SOX5: variants seen among roughly 807,000 people sequenced by gnomAD.
SOX5 encodes the protein transcription factor SOX-5.
Under a neutral mutation model 92.0 loss-of-function variants are expected in SOX5, and 9 were observed. That is an observed-to-expected ratio of 0.10 (90% CI 0.06 to 0.17). The LOEUF is 0.17. Ranked by LOEUF, SOX5 falls within the 10% of genes least tolerant of loss-of-function variation. SOX5 has a pLI of 1.00. For missense variants in SOX5, 642 were observed against 944.5 expected (o/e 0.68, Z 4.20); for synonymous variants, 344 against 336.3 (o/e 1.02, Z -0.25).
intron 3 of SOX5, among the ~76,000 whole-genome samples, chr12:24,263,999 A>G (rs1942647983): frequency 2.0e-5 from 3 of 152,202 alleles, no homozygotes. Flanking sequence ...CAGAAATAAT[A>G]GTTGGATTAT....
intron 1 of SOX5, among the ~76,000 whole-genome samples, chr12:23,899,061 T>G (rs2097205419): frequency 6.6e-6 from 1 of 152,144 alleles, no homozygotes; most frequent in African/African-American, 2.4e-5. Flanking sequence ...GATTCTTAAA[T>G]TTTTGTCCAT....
At chr12:24,357,746 C>CA (rs1272527866) in intron 2 of SOX5, among the ~76,000 whole-genome samples, 1 of 148,852 alleles carries the variant, frequency 6.7e-6, no homozygotes, top group East Asian at 2.0e-4. Context: ...TGGAGGGTGA[C>CA]AAGAGAATTG....
intron 3 of SOX5, among the ~76,000 whole-genome samples, chr12:24,266,545 T>C (rs1943042535): frequency 6.6e-6 from 1 of 152,212 alleles, no homozygotes; most frequent in Non-Finnish European, 1.5e-5. Flanking sequence ...TGAACTATGA[T>C]CTCAATTTAA....
At chr12:23,538,925 C>A (rs556450360) in intron 13 of SOX5, among the ~76,000 whole-genome samples, 1 of 151,314 alleles carries the variant, frequency 6.6e-6, no homozygotes, top group African/African-American at 2.4e-5. Context: ...CTCAGCCTCC[C>A]GAGTAGCTGG....
intron 2 of SOX5, among the ~76,000 whole-genome samples, chr12:24,285,308 T>C (rs1043748144): frequency 4.3e-5 from 6 of 138,134 alleles, no homozygotes; most frequent in African/African-American, 2.0e-4. Context: ...TTGTAAAGCA[T>C]GGTACCCTTT....
intron 4 of SOX5, among the ~76,000 whole-genome samples, chr12:24,093,006 T>C (rs1283011004): frequency 6.6e-6 from 1 of 152,142 alleles, no homozygotes; most frequent in Non-Finnish European, 1.5e-5. Flanking sequence ...CTCAGCCATC[T>C]CATCTTAAAA....
chr12:23,669,805 T>C (rs1169084257), intron 6 of SOX5, among the ~76,000 whole-genome samples: 1 of 152,114 alleles, frequency 6.6e-6, no homozygotes, highest in African/African-American at 2.4e-5. Flanking sequence ...CATGCAAAAG[T>C]GATGGCTACG....
intron 3 of SOX5, among the ~76,000 whole-genome samples, chr12:24,247,898 C>T (rs1308969194): frequency 6.6e-6 from 1 of 152,042 alleles, no homozygotes; most frequent in Non-Finnish European, 1.5e-5. Flanking sequence ...AAGTGATCTG[C>T]CTGCCTCGGC....
intron 10 of SOX5, among the ~76,000 whole-genome samples, chr12:23,574,501 G>T (rs1948828025): frequency 6.6e-6 from 1 of 152,036 alleles, no homozygotes; most frequent in South Asian, 2.1e-4. Flanking sequence ...ACCTTTACCA[G>T]ATACATTCTA....
At chr12:24,094,090 G>T (rs1399718438) in intron 4 of SOX5, among the ~76,000 whole-genome samples, 2 of 152,050 alleles carry the variant, frequency 1.3e-5, no homozygotes, top group Non-Finnish European at 2.9e-5. Context: ...GGGATTACAG[G>T]CGCCCGCCAC....
At chr12:24,095,482 AAC>A (rs904401094) in intron 4 of SOX5, among the ~76,000 whole-genome samples, 37 of 150,854 alleles carry the variant, frequency 2.5e-4, no homozygotes, top group African/African-American at 8.8e-4. Flanking sequence ...CTCAAACTTG[AAC>A]ACAGTCTGGG....
At chr12:24,356,529 T>G (rs1954845664) in intron 2 of SOX5, among the ~76,000 whole-genome samples, 1 of 152,134 alleles carries the variant, frequency 6.6e-6, no homozygotes, top group South Asian at 2.1e-4. Context: ...ACTTAAACAT[T>G]GTTTCCTGAT....
At chr12:24,140,836 T>C (rs1950520910) in intron 4 of SOX5, among the ~76,000 whole-genome samples, 1 of 152,140 alleles carries the variant, frequency 6.6e-6, no homozygotes, top group Non-Finnish European at 1.5e-5. Flanking sequence ...TAAAAACAAC[T>C]GAAATTGCTC....
At chr12:23,904,362 C>T (rs536264855) in intron 1 of SOX5, among the ~76,000 whole-genome samples, 6 of 152,040 alleles carry the variant, frequency 3.9e-5, no homozygotes, top group African/African-American at 9.6e-5. Flanking sequence ...CGTTATTTAG[C>T]GGCATGAACA....
intron 1 of SOX5, among the ~76,000 whole-genome samples, chr12:24,508,444 A>C (rs1597424908): frequency 6.6e-6 from 1 of 152,198 alleles, no homozygotes; most frequent in East Asian, 1.9e-4. Context: ...TACAGAACTC[A>C]AGAGGAAAGG....
intron 1 of SOX5, among the ~76,000 whole-genome samples, chr12:24,467,856 A>G (rs552939500): frequency 1.6e-4 from 25 of 152,296 alleles, no homozygotes; most frequent in South Asian, 1.0e-3. Flanking sequence ...TGGCCATATG[A>G]AGCAACAGCA....
intron 7 of SOX5, among the ~76,000 whole-genome samples, chr12:23,652,688 G>C (rs1281500525): frequency 1.3e-5 from 2 of 151,784 alleles, no homozygotes; most frequent in Admixed American, 1.3e-4. Flanking sequence ...AAGTAACCTT[G>C]ATTTCTCCAT....
intron 2 of SOX5, among the ~76,000 whole-genome samples, chr12:23,870,959 G>T (rs909677389): frequency 1.3e-5 from 2 of 151,884 alleles, no homozygotes; most frequent in African/African-American, 4.8e-5. Flanking sequence ...TGAAAATCCC[G>T]TTATCCACCA....
At chr12:23,884,800 G>A (rs960691877) in intron 2 of SOX5, among the ~76,000 whole-genome samples, 13 of 152,098 alleles carry the variant, frequency 8.5e-5, no homozygotes, top group African/African-American at 3.1e-4. Flanking sequence ...GAACTCACTG[G>A]GTTAATATAC....
Sources: allele counts gnomAD v4.1 joint callset (sites outside exome capture counted in the v4.1 genomes callset), GRCh38; gene constraint gnomAD v4.1.1; transcripts MANE v1.5; gene names NCBI Gene and HGNC (gene_info 2026-07-23, HGNC 2026-07-21).